Variants in ASCC1 observed in about 807,000 individuals in gnomAD.
ASCC1 encodes the protein activating signal cointegrator 1 complex subunit 1.
ASCC1 carries 35 observed loss-of-function variants against 46.6 expected under a neutral mutation model. The ratio of observed to expected loss-of-function variants is 0.75; its 90% CI spans 0.57 to 0.99. The LOEUF (loss-of-function observed/expected upper bound fraction) is 0.99. ASCC1 is among the 50% of genes least tolerant of loss of function. The probability of loss-of-function intolerance (pLI) is 0.00; values close to 1 mark genes in which losing one functional copy is unlikely to be tolerated. For missense variants in ASCC1, 376 were observed against 428.7 expected (o/e 0.88, Z 1.09); for synonymous variants, 143 against 146.6 (o/e 0.98, Z 0.18).
chr10:72,140,131 A>T (rs1382181119), intron 7 of ASCC1, among the ~76,000 whole-genome samples: 2 of 152,232 alleles, frequency 1.3e-5, no homozygotes, highest in Non-Finnish European at 2.9e-5. Flanking sequence ...CATCTATGTC[A>T]TGCATTACAA....
chr10:72,194,916 A>G (rs1855135302), intron 5 of ASCC1, among the ~76,000 whole-genome samples: 1 of 151,668 alleles, frequency 6.6e-6, no homozygotes, highest in Non-Finnish European at 1.5e-5. Flanking sequence ...ATAATTTTGT[A>G]TTTTTAGTAG....
intron 4 of ASCC1, chr10:72,198,523 G>A (rs1214043941): frequency 6.6e-6 from 3 of 455,340 alleles, no homozygotes; most frequent in African/African-American, 6.0e-5. Context: ...GACAGCCTAG[G>A]CAATTTACTG....
intron 9 of ASCC1, among the ~76,000 whole-genome samples, chr10:72,125,257 T>C (rs79305098): frequency 0.025 from 3,858 of 152,242 alleles, 157 homozygotes; most frequent in African/African-American, 0.089. Flanking sequence ...ATTTTTTTTT[T>C]CTAAGGCTGC....
At chr10:72,157,574 C>T (rs528780254) in intron 6 of ASCC1, among the ~76,000 whole-genome samples, 1 of 152,292 alleles carries the variant, frequency 6.6e-6, no homozygotes, top group South Asian at 2.1e-4. Context: ...TGTCAATCAT[C>T]ATTCAGCATT....
chr10:72,122,158 C>G (rs190192932), intron 9 of ASCC1, among the ~76,000 whole-genome samples: 24 of 152,260 alleles, frequency 1.6e-4, no homozygotes, highest in South Asian at 1.5e-3. Context: ...CAGCGGCTCA[C>G]GCCTGTAATC....
intron 6 of ASCC1, among the ~76,000 whole-genome samples, chr10:72,155,705 TA>T (rs1348423843): frequency 6.6e-6 from 1 of 152,204 alleles, no homozygotes; most frequent in African/African-American, 2.4e-5. Context: ...TTGTGTTAAG[TA>T]AAACCCCACC....
intron 9 of ASCC1, among the ~76,000 whole-genome samples, chr10:72,110,658 G>A (rs577433669): frequency 2.6e-5 from 4 of 152,228 alleles, no homozygotes; most frequent in Admixed American, 6.5e-5. Flanking sequence ...GTGGTGGCAC[G>A]TGCCTGTAAT....
chr10:72,140,978 T>C (rs1246696423), intron 7 of ASCC1, among the ~76,000 whole-genome samples: 1 of 152,000 alleles, frequency 6.6e-6, no homozygotes, highest in Non-Finnish European at 1.5e-5. Context: ...TACAAGCACA[T>C]ACTAATTACC....
chr10:72,141,752 C>G (rs1330382824), intron 7 of ASCC1, among the ~76,000 whole-genome samples: 4 of 152,072 alleles, frequency 2.6e-5, no homozygotes, highest in Non-Finnish European at 5.9e-5. Flanking sequence ...TTTTGTTTCC[C>G]TTACGGTATC....
chr10:72,141,733 T>C (rs1379862378), intron 7 of ASCC1, among the ~76,000 whole-genome samples: 1 of 152,224 alleles, frequency 6.6e-6, no homozygotes, highest in Non-Finnish European at 1.5e-5. Context: ...TAAGAGCCAT[T>C]GTACCCATTT....
chr10:72,107,085 T>C (rs976263441), intron 9 of ASCC1, among the ~76,000 whole-genome samples: 4 of 152,096 alleles, frequency 2.6e-5, no homozygotes, highest in African/African-American at 9.7e-5. Flanking sequence ...AATGGTATAT[T>C]TCAGATGCAT....
chr10:72,196,279 CTT>C (rs573100323), intron 5 of ASCC1, among the ~76,000 whole-genome samples: 57 of 136,256 alleles, frequency 4.2e-4, no homozygotes, highest in Admixed American at 3.7e-4. Context: ...TGTCTTAAAT[CTT>C]TTTTTTTTTT....
At chr10:72,109,095 ATAT>A (rs2131989907) in intron 9 of ASCC1, among the ~76,000 whole-genome samples, 1 of 152,334 alleles carries the variant, frequency 6.6e-6, no homozygotes, top group South Asian at 2.1e-4. Flanking sequence ...AGAGCCAATA[ATAT>A]TATAGTAGCT....
At chr10:72,207,177 C>T (rs1246791681) in intron 3 of ASCC1, among the ~76,000 whole-genome samples, 1 of 152,102 alleles carries the variant, frequency 6.6e-6, no homozygotes, top group Non-Finnish European at 1.5e-5. Flanking sequence ...CTTTGGGAGG[C>T]GAGGCAGGCA....
intron 9 of ASCC1, among the ~76,000 whole-genome samples, chr10:72,126,766 A>G (rs1442544870): frequency 6.6e-6 from 1 of 152,262 alleles, no homozygotes; most frequent in African/African-American, 2.4e-5. Flanking sequence ...AGAAAGATTC[A>G]TATCACACCG....
chr10:72,123,239 T>A (rs970104818), intron 9 of ASCC1, among the ~76,000 whole-genome samples: 2 of 149,386 alleles, frequency 1.3e-5, no homozygotes, highest in African/African-American at 5.0e-5. Flanking sequence ...CTGGGGAGGC[T>A]GAGGCAGGAG....
chr10:72,102,599 A>G (rs1353911927), intron 9 of ASCC1, among the ~76,000 whole-genome samples: 1 of 152,172 alleles, frequency 6.6e-6, no homozygotes, highest in East Asian at 1.9e-4. Context: ...GGTATTTACC[A>G]TGTCAACTTT....
At chr10:72,136,745 A>G (rs1289164445) in intron 7 of ASCC1, among the ~76,000 whole-genome samples, 1 of 152,148 alleles carries the variant, frequency 6.6e-6, no homozygotes, top group Non-Finnish European at 1.5e-5. Flanking sequence ...TATGAGCTCT[A>G]ACACAACGAG....
intron 5 of ASCC1, among the ~76,000 whole-genome samples, chr10:72,176,355 CTTTT>C (rs1362557014): frequency 6.6e-6 from 1 of 151,926 alleles, no homozygotes; most frequent in Non-Finnish European, 1.5e-5. Flanking sequence ...TTCTTTCTTT[CTTTT>C]GGAGACAGGG....
Sources: gnomAD v4.1 joint callset for allele counts (sites outside exome capture counted in the v4.1 genomes callset) on GRCh38, gnomAD v4.1.1 for gene constraint, MANE v1.5 for transcripts, NCBI Gene and HGNC (gene_info 2026-07-23, HGNC 2026-07-21) for gene names.